CCDC178: variants seen among roughly 807,000 people sequenced by gnomAD.
CCDC178 encodes the protein coiled-coil domain containing 178, also known as coiled-coil domain-containing protein 178.
A neutral mutation model predicts 117.4 loss-of-function variants in CCDC178; 126 were observed. The observed-to-expected ratio is 1.07, with a 90% CI of 0.93 to 1.24. CCDC178 has a LOEUF of 1.24. Ranked by LOEUF, CCDC178 falls within the 50% of genes most tolerant of loss-of-function variation. The probability of loss-of-function intolerance (pLI) is 0.00; values close to 1 mark genes in which losing one functional copy is unlikely to be tolerated. For synonymous variants in CCDC178, 283 were observed against 313.4 expected, an observed-to-expected ratio of 0.90 and a Z score of 1.02; for missense variants, 1,030 against 986.9, an observed-to-expected ratio of 1.04 and a Z score of -0.59.
intron 21 of CCDC178, among the ~76,000 whole-genome samples, chr18:33,087,525 ATG>A (rs148317139): frequency 3.8e-4 from 57 of 148,818 alleles, no homozygotes; most frequent in African/African-American, 1.2e-3. Context: ...GTGTGTGTGT[ATG>A]TGTGTGTGTG....
intron 18 of CCDC178, among the ~76,000 whole-genome samples, chr18:33,222,565 C>A (rs1284955949): frequency 6.6e-6 from 1 of 151,966 alleles, no homozygotes; most frequent in Non-Finnish European, 1.5e-5. Flanking sequence ...TTCTTGGGGC[C>A]TCTCTTATAG....
intron 20 of CCDC178, among the ~76,000 whole-genome samples, chr18:33,185,059 G>T (rs1228110657): frequency 6.6e-6 from 1 of 151,952 alleles, no homozygotes; most frequent in African/African-American, 2.4e-5. Flanking sequence ...CAGCAATACT[G>T]TAAAGATAGC....
intron 21 of CCDC178, among the ~76,000 whole-genome samples, chr18:33,043,174 T>C (rs1010053916): frequency 2.0e-5 from 3 of 151,992 alleles, no homozygotes; most frequent in Non-Finnish European, 4.4e-5. Flanking sequence ...AAATACGACA[T>C]ATAGTAAGTA....
chr18:33,274,227 G>C (rs1027021285), intron 12 of CCDC178, among the ~76,000 whole-genome samples: 2 of 151,406 alleles, frequency 1.3e-5, no homozygotes, highest in African/African-American at 2.4e-5. Flanking sequence ...ATTTAAAAAG[G>C]GGTTTCAAAA....
chr18:33,317,836 A>AG (rs2062441415), intron 11 of CCDC178, among the ~76,000 whole-genome samples: 1 of 152,194 alleles, frequency 6.6e-6, no homozygotes, highest in South Asian at 2.1e-4. Flanking sequence ...GATTAAAAAA[A>AG]AAGTTTCCTT....
At chr18:33,120,088 G>T (rs2057916549) in intron 20 of CCDC178, among the ~76,000 whole-genome samples, 1 of 151,986 alleles carries the variant, frequency 6.6e-6, no homozygotes, top group African/African-American at 2.4e-5. Flanking sequence ...TAATGTAAAT[G>T]ATGAGTTAAT....
intron 20 of CCDC178, among the ~76,000 whole-genome samples, chr18:33,110,764 T>C (rs945550404): frequency 6.6e-6 from 1 of 151,658 alleles, no homozygotes; most frequent in Admixed American, 6.6e-5. Flanking sequence ...ATTCTGTCTG[T>C]TGTTCTCTTA....
chr18:33,334,787 T>C (rs374591707), intron 9 of CCDC178, among the ~76,000 whole-genome samples: 1 of 152,070 alleles, frequency 6.6e-6, no homozygotes, highest in South Asian at 2.1e-4. Context: ...CCCACGGCCC[T>C]ATGTATATAT....
At chr18:33,223,761 T>G (rs2059267872) in intron 17 of CCDC178, among the ~76,000 whole-genome samples, 1 of 152,202 alleles carries the variant, frequency 6.6e-6, no homozygotes, top group South Asian at 2.1e-4. Flanking sequence ...AGGCTTTTGA[T>G]GCAATTAATA....
chr18:33,366,185 C>T (rs867043158), intron 6 of CCDC178, among the ~76,000 whole-genome samples: 2 of 152,060 alleles, frequency 1.3e-5, no homozygotes, highest in South Asian at 4.2e-4. Context: ...ATCTAATGGG[C>T]CTCAGGTGGT....
intron 14 of CCDC178, among the ~76,000 whole-genome samples, chr18:33,257,397 T>C (rs1466313518): frequency 2.6e-5 from 4 of 152,038 alleles, no homozygotes; most frequent in Non-Finnish European, 4.4e-5. Context: ...TCCAACTCCT[T>C]CACTTGCACA....
At chr18:33,049,925 T>C (rs1263416563) in intron 21 of CCDC178, among the ~76,000 whole-genome samples, 1 of 151,450 alleles carries the variant, frequency 6.6e-6, no homozygotes, top group Non-Finnish European at 1.5e-5. Flanking sequence ...CTACTAAAAA[T>C]ACAAAAATTA....
rs764767726 is a variant in CCDC178 at position 33,356,356 on chromosome 18, CA to C, written c.349-11del. The C allele has an allele frequency of 9.5e-6, 14 of 1,474,538 alleles. No individual in the cohort carries two copies. In the African/African-American group the frequency reaches 2.0e-4, roughly 21 times the overall value. The allele number at this position is 1,474,538 out of a possible 1,614,324, so 91.3% of individuals were successfully genotyped here. ...CAAAAGAAGTTTCAAACTGTCAAAA[CA>C]AAAGATCTCAATAAAAATCAAATCT... is the stretch of plus-strand genomic sequence containing the variant. On this transcript the variant is annotated splice_polypyrimidine_tract_variant and intron_variant, in intron 6 of 22. Transcript: ENST00000383096.
intron 21 of CCDC178, among the ~76,000 whole-genome samples, chr18:33,072,631 T>C (rs1190014256): frequency 2.6e-5 from 4 of 152,230 alleles, no homozygotes; most frequent in Non-Finnish European, 4.4e-5. Context: ...ATTATTTGTG[T>C]ATTGTGTGTC....
At chr18:33,046,320 G>A (rs1323079285) in intron 21 of CCDC178, among the ~76,000 whole-genome samples, 1 of 152,022 alleles carries the variant, frequency 6.6e-6, no homozygotes. Flanking sequence ...ACACACAATT[G>A]CTATTTGGCA....
intron 20 of CCDC178, among the ~76,000 whole-genome samples, chr18:33,138,445 GC>G (rs1315203563): frequency 1.3e-5 from 2 of 152,004 alleles, no homozygotes; most frequent in African/African-American, 4.8e-5. Context: ...CGTCAGTGCC[GC>G]CTCCATACAA....
At chr18:33,236,598 A>G (rs2059429676) in intron 15 of CCDC178, among the ~76,000 whole-genome samples, 1 of 152,202 alleles carries the variant, frequency 6.6e-6, no homozygotes, top group Non-Finnish European at 1.5e-5. Context: ...TTTTGCATGA[A>G]TAAAGAGAGA....
At chr18:33,109,059 G>T (rs1025812327) in intron 20 of CCDC178, among the ~76,000 whole-genome samples, 1 of 151,512 alleles carries the variant, frequency 6.6e-6, no homozygotes, top group Non-Finnish European at 1.5e-5. Flanking sequence ...AAGCATAACT[G>T]GGTCCAGCCT....
At chr18:32,945,285 C>T (rs1043337961) in intron 22 of CCDC178, among the ~76,000 whole-genome samples, 8 of 152,272 alleles carry the variant, frequency 5.3e-5, no homozygotes, top group African/African-American at 1.4e-4. Flanking sequence ...AATAATCTCA[C>T]GTGAGTTTTC....
Sources: allele counts gnomAD v4.1 joint callset (sites outside exome capture counted in the v4.1 genomes callset), GRCh38; gene constraint gnomAD v4.1.1; transcripts MANE v1.5; gene names NCBI Gene and HGNC (gene_info 2026-07-23, HGNC 2026-07-21).